The following ARMCX4 variants were observed in gnomAD, a reference collection of about 807,000 sequenced individuals.
ARMCX4 encodes armadillo repeat-containing X-linked protein 4.
ARMCX4 carries 3 observed loss-of-function variants against 34.7 expected under a neutral mutation model. The ratio of observed to expected loss-of-function variants is 0.09; its 90% CI spans 0.04 to 0.22. ARMCX4 has a LOEUF of 0.22. Among genes scored for constraint, ARMCX4 ranks in the 10% least tolerant of loss-of-function variants. The pLI is 1.00. For missense variants in ARMCX4, 1,448 were observed against 1,720.8 expected (o/e 0.84, Z 2.81); for synonymous variants, 513 against 632.8 (o/e 0.81, Z 2.84).
At chrX:101,439,533 G>C (rs1931084088) in intron 2 of ARMCX4, among the ~76,000 whole-genome samples, 1 of 111,932 alleles carries the variant, frequency 8.9e-6, no homozygotes, top group East Asian at 2.8e-4. Context: ...TGCCTTGCTA[G>C]ATTGGGGAAA....
rs1556008071 is a variant in ARMCX4 at position 101,489,722 on chromosome X, T to C, written c.1133T>C (p.Val378Ala). 2 of 1,151,914 alleles carry C rather than the reference T, an allele frequency of 1.7e-6. No individual in the cohort carries two copies. The highest frequency in any genetic ancestry group is 1.8e-5 in the African/African-American group (1 of 55,331). The allele number at this position is 1,151,914 out of a possible 1,213,427, so 94.9% of individuals were successfully genotyped here. A position where few individuals can be genotyped will look rare whatever the true frequency, so the allele number is the denominator to read the frequency against. ...KQAEVTSGAR[V>A]DGRGNTNVIS... ...GCTGAGGTGACGTCTGGTGCCAGGG[T>C]TGATGGTAGGGGAAATACCAATGTC... The change falls in exon 6 of 6, where the codon GTT (valine) becomes GCT (alanine). Residue 378 changes from valine (V) to alanine (A), a missense_variant. By Grantham distance (64) the Val-to-Ala change is moderately conservative (BLOSUM62 0). This residue lies in a region of ARMCX4 where 1,343 missense variants were observed against 1,540.7 expected (regional missense o/e 0.87). Coordinates refer to ENST00000423738, the MANE Select transcript of ARMCX4 (RefSeq NM_001256155.3).
chrX:101,526,874 A>T (rs1190480169), intron 11 of ARMCX4, among the ~76,000 whole-genome samples: 2 of 111,544 alleles, frequency 1.8e-5, no homozygotes, highest in Non-Finnish European at 3.8e-5. Context: ...CTCACACACA[A>T]TAATAATGGG....
At chrX:101,502,237 G>A (rs944485757) in intron 7 of ARMCX4, among the ~76,000 whole-genome samples, 2 of 111,381 alleles carry the variant, frequency 1.8e-5, no homozygotes, top group South Asian at 3.8e-4. Flanking sequence ...TGAGATGGAA[G>A]TTTCTTTTTT....
intron 11 of ARMCX4, among the ~76,000 whole-genome samples, chrX:101,527,466 G>A (rs1483190312): frequency 1.8e-5 from 2 of 110,949 alleles, no homozygotes; most frequent in Non-Finnish European, 3.8e-5. Context: ...CAGAAGGCAA[G>A]AAATAACTAA....
chrX:101,489,952 A>G lies in ARMCX4; in HGVS notation c.1363A>G (p.Asn455Asp). The change falls in exon 6 of 6, where the codon AAT (asparagine) becomes GAT (aspartate). Residue 455 changes from asparagine (N) to aspartate (D), a missense_variant. Physicochemically the swap from Asn to Asp is conservative, Grantham distance 23. This residue lies in a region of ARMCX4 where 1,343 missense variants were observed against 1,540.7 expected (regional missense o/e 0.87). Transcript: ENST00000423738. ...LPDARDKSRGNPNVMAKVGDG... is the reference protein window; with the variant it reads ...LPDARDKSRGDPNVMAKVGDG... Reference sequence around the variant, plus strand: ...TGATGCCAGGGATAAGAGCAGAGGCAATCCCAATGTTATGGCTAAGGTGGG... The same window carrying G: ...TGATGCCAGGGATAAGAGCAGAGGCGATCCCAATGTTATGGCTAAGGTGGG... 1 of 1,155,702 alleles carries G rather than the reference A, an allele frequency of 8.7e-7. No individual in the cohort carries two copies. The highest frequency in any genetic ancestry group is 1.1e-6 in the Non-Finnish European group (1 of 872,738).
intron 4 of ARMCX4, among the ~76,000 whole-genome samples, chrX:101,468,627 T>G: frequency 9.1e-6 from 1 of 109,751 alleles, no homozygotes; most frequent in East Asian, 2.9e-4. Context: ...TTTTCTTTTT[T>G]TTTTGAGATG....
chrX:101,485,546 C>A lies in ARMCX4; in HGVS notation c.-437+16C>A. 2.4e-6 allele frequency: 1 copy of A among 415,989 alleles called. No individual in the cohort carries two copies. Among genetic ancestry groups the A allele is most frequent in the Non-Finnish European group, 3.0e-6 (1 of 330,771 alleles). 34.3% of individuals were successfully genotyped at this position (415,989 alleles called of 1,213,427 possible). A position where few individuals can be genotyped will look rare whatever the true frequency, so the allele number is the denominator to read the frequency against. On this transcript the variant is annotated intron_variant, in intron 1 of 5. Transcript: ENST00000423738. ...AGCGGAGCAGGTAAGGGCCCTGGGG[C>A]CCGCGCGCCCTGGCCAGGCCGGCAG...
At chrX:101,529,015 C>T (rs1050886639) in intron 11 of ARMCX4, among the ~76,000 whole-genome samples, 57 of 111,169 alleles carry the variant, frequency 5.1e-4, no homozygotes, top group Admixed American at 1.1e-3. Context: ...AAAAAGAGCC[C>T]GTATTGCCAA....
At position 101,494,223 on chromosome X, in the gene ARMCX4, G is replaced by A. The variant is rs1167069800; in HGVS notation, c.5634G>A (p.Leu1878=). 1 of 1,151,047 alleles carries A rather than the reference G, an allele frequency of 8.7e-7. No individual in the cohort carries two copies. The highest frequency in any genetic ancestry group is 1.1e-6 in the Non-Finnish European group (1 of 870,657). The allele number at this position is 1,151,047 out of a possible 1,213,427, so 94.9% of individuals were successfully genotyped here. ...AGGCTGGTGTAGAGTCCTGGACCTTGGCTAGGAATGTGGGAGAGGATGAGC... is the reference window on the plus strand; with the variant it reads ...AGGCTGGTGTAGAGTCCTGGACCTTAGCTAGGAATGTGGGAGAGGATGAGC... ...GEEAGVESWT[L]ARNVGEDELS... is the part of the protein sequence containing the mutation. Residue 1878 remains leucine (L), a synonymous_variant, in exon 6 of 6, where the codon TTG becomes TTA. Transcript: ENST00000423738.
chrX:101,494,006 G>A lies in ARMCX4; in HGVS notation c.5417G>A (p.Cys1806Tyr), dbSNP rs782042136. 5.6e-4 allele frequency: 605 copies of A among 1,086,166 alleles called. No individual in the cohort carries two copies. The highest frequency in any genetic ancestry group is 1.1e-3 in the Middle Eastern group (4 of 3,695). 89.5% of individuals were successfully genotyped at this position (1,086,166 alleles called of 1,213,427 possible). A position where few individuals can be genotyped will look rare whatever the true frequency, so the allele number is the denominator to read the frequency against. ...GAGGAGGTGGCTTATATGGGCTCCT[G>A]TGTAGGGGCTGAGGCTGGGGCTGGG... Reference protein sequence around the residue: ...RSEEVAYMGSCVGAEAGAGAE... With the variant: ...RSEEVAYMGSYVGAEAGAGAE... Residue 1806 changes from cysteine (C) to tyrosine (Y), a missense_variant, in exon 6 of 6, where the codon TGT becomes TAT. Transcript: ENST00000423738.
chrX:101,525,500 G>T (rs1556020213), intron 11 of ARMCX4, among the ~76,000 whole-genome samples: 1 of 111,856 alleles, frequency 8.9e-6, no homozygotes, highest in Non-Finnish European at 1.9e-5. Context: ...GGCTTCAGAA[G>T]ATTGGTAATA....
chrX:101,472,594 C>T (rs1932960983), intron 4 of ARMCX4, among the ~76,000 whole-genome samples: 1 of 49,289 alleles, frequency 2.0e-5, no homozygotes, highest in Non-Finnish European at 3.3e-5. Context: ...GCCCATCAGA[C>T]TAACAGCGGA....
At chrX:101,422,486 G>A in intron 2 of ARMCX4, among the ~76,000 whole-genome samples, 1 of 110,841 alleles carries the variant, frequency 9.0e-6, no homozygotes, top group Non-Finnish European at 1.9e-5. Flanking sequence ...GGTCTGGGTG[G>A]TGTCAGCTGC....
chrX:101,418,578 G>T (rs1400980503), intron 1 of ARMCX4, among the ~76,000 whole-genome samples: 1 of 111,677 alleles, frequency 9.0e-6, no homozygotes, highest in Non-Finnish European at 1.9e-5. Flanking sequence ...CAGGAGAAGG[G>T]AAGGAAGGGC....
chrX:101,450,270 G>A (rs1054221089), downstream of ARMCX4, among the ~76,000 whole-genome samples: 2 of 112,507 alleles, frequency 1.8e-5, no homozygotes, highest in African/African-American at 6.5e-5. Flanking sequence ...CAATCAATAG[G>A]TGGCAAAGCC....
Position 101,495,424 on chromosome X carries a change from G to A in ARMCX4, c.6835G>A (p.Val2279Met). ...ALAAECNDPE[V>M]KERVELLISK... is the part of the protein sequence containing the mutation. ...AGCAGCAGAATGCAATGACCCTGAG[G>A]TGAAAGAGAGAGTTGAGCTATTAAT... is the stretch of plus-strand genomic sequence containing the variant. The change falls in exon 6 of 6, where the codon GTG becomes ATG. Residue 2279 changes from valine (V) to methionine (M), a missense_variant. Physicochemically the swap from Val to Met is conservative, Grantham distance 21. Transcript: ENST00000423738. 2 of 1,119,961 alleles carry A rather than the reference G, an allele frequency of 1.8e-6. No individual in the cohort carries two copies. The highest frequency in any genetic ancestry group is 2.1e-5 in the South Asian group (1 of 47,632). The allele number at this position is 1,119,961 out of a possible 1,213,427, so 92.3% of individuals were successfully genotyped here. A position where few individuals can be genotyped will look rare whatever the true frequency, so the allele number is the denominator to read the frequency against.
At chrX:101,487,767 G>A in intron 4 of ARMCX4, 76 bp downstream of exon 4, 3 of 467,319 alleles carry the variant, frequency 6.4e-6, no homozygotes, top group Non-Finnish European at 9.7e-6. Context: ...GTAAGGACCA[G>A]TGACCAGTCT....
intron 11 of ARMCX4, among the ~76,000 whole-genome samples, chrX:101,528,747 G>C (rs898476988): frequency 9.1e-6 from 1 of 110,102 alleles, no homozygotes; most frequent in East Asian, 2.8e-4. Context: ...CTTCAAAGAG[G>C]ATAAAATACC....
chrX:101,423,559 G>A (rs988647686), intron 2 of ARMCX4, among the ~76,000 whole-genome samples: 1 of 109,734 alleles, frequency 9.1e-6, no homozygotes, highest in Non-Finnish European at 1.9e-5. Flanking sequence ...GGAGGTTGCA[G>A]TGAGCTGAGA....
Sources: allele counts gnomAD v4.1 joint callset (sites outside exome capture counted in the v4.1 genomes callset), GRCh38; gene constraint gnomAD v4.1.1; regional missense constraint gnomAD v4.1.1; transcripts MANE v1.5; gene names NCBI Gene and HGNC (gene_info 2026-07-23, HGNC 2026-07-21).